H2AZ2: variants seen among roughly 807,000 people sequenced by gnomAD.
H2AZ2 encodes the protein histone H2A.V.
Under a neutral mutation model 15.5 loss-of-function variants are expected in H2AZ2, and 5 were observed. The ratio of observed to expected loss-of-function variants is 0.32; its 90% CI spans 0.17 to 0.68. H2AZ2 has a LOEUF of 0.68. Among genes scored for constraint, H2AZ2 ranks in the 30% least tolerant of loss-of-function variants. The pLI is 0.72. For missense variants in H2AZ2, 42 were observed against 162.5 expected, an observed-to-expected ratio of 0.26 and a Z score of 4.03; for synonymous variants, 44 against 57.4, an observed-to-expected ratio of 0.77 and a Z score of 1.05.
chr7:44,831,533 C>T (rs1019099137), downstream of H2AZ2, among the ~76,000 whole-genome samples: 1 of 151,752 alleles, frequency 6.6e-6, no homozygotes, highest in Non-Finnish European at 1.5e-5. Flanking sequence ...ATTGCACTCC[C>T]CCCCCCGCTT....
At chr7:44,838,979 A>AT (rs1368514044) in intron 3 of H2AZ2, among the ~76,000 whole-genome samples, 3 of 152,108 alleles carry the variant, frequency 2.0e-5, no homozygotes, top group Admixed American at 6.6e-5. Flanking sequence ...TTCCCAACGG[A>AT]TTTTTTTAAA....
downstream of H2AZ2, chr7:44,829,677 A>G (rs2017934): frequency 0.97 from 146,961 of 152,080 alleles, 71,048 homozygotes; most frequent in East Asian, 1. Context: ...GGATAGGAAT[A>G]GGATGATCTT....
intron 1 of H2AZ2, among the ~76,000 whole-genome samples, chr7:44,844,370 C>T (rs1793348312): frequency 6.6e-6 from 1 of 152,174 alleles, no homozygotes; most frequent in South Asian, 2.1e-4. Context: ...CTGTATGATT[C>T]TACTTATGAG....
At chr7:44,838,977 G>A (rs141636792) in intron 3 of H2AZ2, among the ~76,000 whole-genome samples, 23 of 152,176 alleles carry the variant, frequency 1.5e-4, no homozygotes, top group African/African-American at 2.4e-5. Context: ...ACTTCCCAAC[G>A]GATTTTTTTA....
downstream of H2AZ2, chr7:44,827,426 A>G (rs1308261545): frequency 1.3e-5 from 2 of 152,148 alleles, no homozygotes; most frequent in East Asian, 3.8e-4. Context: ...GGTGGGAGCG[A>G]GTGGGCAGGC....
chr7:44,835,763 G>A (rs931730449), intron 3 of H2AZ2, 105 bp from the exon 4 acceptor site: 3 of 951,198 alleles, frequency 3.2e-6, no homozygotes, highest in Non-Finnish European at 4.5e-6. Flanking sequence ...TACATAAACT[G>A]ATAATATATT....
At chr7:44,843,755 A>G (rs919924854) in intron 1 of H2AZ2, among the ~76,000 whole-genome samples, 3 of 152,088 alleles carry the variant, frequency 2.0e-5, no homozygotes, top group Non-Finnish European at 2.9e-5. Flanking sequence ...GGTGGGTTTC[A>G]CTATGTTGGC....
chr7:44,827,199 A>C (rs1268522733), downstream of H2AZ2: 1 of 152,256 alleles, frequency 6.6e-6, no homozygotes, highest in African/African-American at 2.4e-5. Flanking sequence ...AAATAGCAAA[A>C]GGTCCTAATT....
At chr7:44,843,418 GGAAA>G in intron 1 of H2AZ2, 64 bp from the exon 2 acceptor site, 2 of 1,127,878 alleles carry the variant, frequency 1.8e-6, no homozygotes, top group Non-Finnish European at 2.6e-6. Flanking sequence ...AAAATATTCT[GGAAA>G]CAGAATTTTT....
chr7:44,835,698 T>C (rs1562785588), intron 3 of H2AZ2, 40 bp from the exon 4 acceptor site: 2 of 1,522,318 alleles, frequency 1.3e-6, no homozygotes, highest in African/African-American at 1.4e-5. Flanking sequence ...ATGAAGGACC[T>C]AGGATCCCAA....
Position 44,832,697 on chromosome 7 carries a change from C to T in H2AZ2, c.*1804G>A, listed in dbSNP as rs1348622911. 2.0e-5 allele frequency among the ~76,000 whole-genome samples: 3 copies of T among 152,052 alleles called. No individual in the cohort carries two copies. Among genetic ancestry groups the T allele is most frequent in the Non-Finnish European group, 4.4e-5 (3 of 68,028 alleles). On this transcript the variant is annotated 3_prime_UTR_variant, in exon 5 of 5. Coordinates refer to ENST00000308153, the MANE Select transcript of H2AZ2 (RefSeq NM_012412.5). ...GGCATGGTGGCTTATGCCTATAATC[C>T]CAGTACTTTGGGAGGCCAAGGTGGG...
downstream of H2AZ2, chr7:44,828,657 AAC>A (rs1274086388): frequency 1.3e-5 from 2 of 152,216 alleles, no homozygotes; most frequent in East Asian, 3.8e-4. Context: ...CTCTACTTGT[AAC>A]ACAAGCCATA....
At chr7:44,836,791 T>C (rs1793133929) in intron 3 of H2AZ2, among the ~76,000 whole-genome samples, 1 of 151,736 alleles carries the variant, frequency 6.6e-6, no homozygotes, top group East Asian at 1.9e-4. Context: ...GGTCAGGAGA[T>C]CGAGACCATC....
intron 4 of H2AZ2, chr7:44,834,862 G>A (rs1793080338): frequency 4.8e-6 from 1 of 210,450 alleles, no homozygotes; most frequent in African/African-American, 2.5e-5. Context: ...TTGGCTCACT[G>A]CGACCTCTGT....
intron 1 of H2AZ2, among the ~76,000 whole-genome samples, chr7:44,845,480 C>T (rs1793375285): frequency 6.6e-6 from 1 of 152,122 alleles, no homozygotes; most frequent in African/African-American, 2.4e-5. Context: ...CCCTTGTTAC[C>T]TCCATTTGCC....
intron 4 of H2AZ2, chr7:44,834,784 C>CTTTTTTTTTTTTTTTTTTTTTTTTTTT (rs35455193): frequency 6.4e-6 from 1 of 156,644 alleles, no homozygotes; most frequent in Non-Finnish European, 1.2e-5. Context: ...GTAACCATAG[C>CTTTTTTTTTTTTTTTTTTTTTTTTTTT]TTTTTTTTTT....
chr7:44,834,395 G>A lies in H2AZ2; in HGVS notation c.*106C>T, dbSNP rs1793066550. The A allele has an allele frequency of 6.8e-7, 1 of 1,466,460 alleles. No homozygotes were observed. Among genetic ancestry groups the A allele is most frequent in the East Asian group, 2.4e-5 (1 of 42,060 alleles). The allele number at this position is 1,466,460 out of a possible 1,614,324, so 90.8% of individuals were successfully genotyped here. ...TATCATGTCTACAGTAATTGTCTAT[G>A]CTTTTCCATTTAACTGTTGTTAAAA... On this transcript the variant is annotated 3_prime_UTR_variant, in exon 5 of 5. Transcript: ENST00000308153.
intron 3 of H2AZ2, among the ~76,000 whole-genome samples, chr7:44,837,034 C>CAA (rs200528121): frequency 6.6e-6 from 1 of 150,546 alleles, no homozygotes; most frequent in African/African-American, 2.4e-5. Flanking sequence ...AACAAAACAA[C>CAA]AAAAAAAACA....
intron 2 of H2AZ2, among the ~76,000 whole-genome samples, chr7:44,841,823 A>G (rs1253004493): frequency 1.3e-5 from 2 of 152,104 alleles, no homozygotes; most frequent in Non-Finnish European, 2.9e-5. Flanking sequence ...CATTATTTCA[A>G]CAGCTACAAT....
Sources: gnomAD v4.1 joint callset for allele counts (sites outside exome capture counted in the v4.1 genomes callset) on GRCh38, gnomAD v4.1.1 for gene constraint, MANE v1.5 for transcripts, NCBI Gene and HGNC (gene_info 2026-07-23, HGNC 2026-07-21) for gene names.